Variants in FBXO8 observed in about 807,000 individuals in gnomAD.
FBXO8 encodes F-box only protein 8.
FBXO8 carries 15 observed loss-of-function variants against 33.4 expected under a neutral mutation model. The observed-to-expected ratio is 0.45, with a 90% CI of 0.30 to 0.69. The LOEUF (loss-of-function observed/expected upper bound fraction) is 0.69. Among genes scored for constraint, FBXO8 ranks in the 30% least tolerant of loss-of-function variants. The probability of loss-of-function intolerance (pLI) is 0.08; values close to 1 mark genes in which losing one functional copy is unlikely to be tolerated. For missense variants in FBXO8, 274 were observed against 380.3 expected, an observed-to-expected ratio of 0.72 and a Z score of 2.32; for synonymous variants, 132 against 131.5, an observed-to-expected ratio of 1.00 and a Z score of -0.02.
intron 1 of FBXO8, among the ~76,000 whole-genome samples, chr4:174,268,292 A>C (rs1736739492): frequency 1.3e-5 from 2 of 152,192 alleles, no homozygotes; most frequent in Admixed American, 1.3e-4. Context: ...TAATTCATTA[A>C]CTGTGAACTC....
chr4:174,248,545 A>C (rs893688060), intron 3 of FBXO8, among the ~76,000 whole-genome samples: 3 of 152,064 alleles, frequency 2.0e-5, no homozygotes, highest in African/African-American at 7.2e-5. Context: ...TTCCAGAGCA[A>C]GAACAGAGAG....
chr4:174,242,319 C>A (rs188697282), intron 3 of FBXO8, among the ~76,000 whole-genome samples: 10 of 151,546 alleles, frequency 6.6e-5, no homozygotes, highest in African/African-American at 2.4e-4. Flanking sequence ...CTATAAAAAC[C>A]TTTTCAAGAT....
chr4:174,252,520 G>C lies in FBXO8; in HGVS notation c.456+7179C>G, dbSNP rs1239596589. On this transcript the variant is annotated intron_variant, in intron 3 of 5. Coordinates refer to ENST00000393674, the MANE Select transcript of FBXO8 (RefSeq NM_012180.3). The surrounding 1 kb of genome is among the most constrained non-coding windows in gnomAD (Gnocchi z 5.1). Reference sequence around the variant, plus strand: ...TCACAGACCCAATTCTTTCTTTCCAGTCTGCTATTCTTGGTAGGGTTACTA... The same window carrying C: ...TCACAGACCCAATTCTTTCTTTCCACTCTGCTATTCTTGGTAGGGTTACTA... Among the ~76,000 whole-genome samples, 1 of 152,024 alleles carries C rather than the reference G, an allele frequency of 6.6e-6. No individual in the cohort carries two copies. The highest frequency in any genetic ancestry group is 1.5e-5 in the Non-Finnish European group (1 of 68,014).
At chr4:174,279,796 T>C (rs1579041551) in intron 1 of FBXO8, among the ~76,000 whole-genome samples, 1 of 152,024 alleles carries the variant, frequency 6.6e-6, no homozygotes, top group East Asian at 1.9e-4. Context: ...ATATCCACAT[T>C]CAAAAGAATG....
In FBXO8 at chr4:174,275,014, TA is replaced by T. The variant is rs1214012830; in HGVS notation, c.-9+8395del. 6.6e-6 allele frequency among the ~76,000 whole-genome samples: 1 copy of T among 152,198 alleles called. No homozygotes were observed. Among genetic ancestry groups the T allele is most frequent in the Non-Finnish European group, 1.5e-5 (1 of 68,034 alleles). On this transcript the variant is annotated intron_variant, in intron 1 of 5. Coordinates refer to ENST00000393674, the MANE Select transcript of FBXO8 (RefSeq NM_012180.3). This position sits in a 1 kb window ranked among gnomAD's most constrained non-coding sequence, Gnocchi z 4.4. Reference sequence around the variant, plus strand: ...ATATTTGGAAGATGAAAGGAAAGCCTACAGATTGAGAGAAAATATTTGTAAA... The same window carrying T: ...ATATTTGGAAGATGAAAGGAAAGCCTCAGATTGAGAGAAAATATTTGTAAA...
In FBXO8 at chr4:174,243,215, A is replaced by C. The variant is rs1180877348; in HGVS notation, c.457-1997T>G. On this transcript the variant is annotated intron_variant, in intron 3 of 5. Coordinates refer to ENST00000393674, the MANE Select transcript of FBXO8 (RefSeq NM_012180.3). Reference sequence around the variant, plus strand: ...AGAATTTTATATCTAATCTAACCTCAGTTCTCCCAAATCAATCAAATACAT... The same window carrying C: ...AGAATTTTATATCTAATCTAACCTCCGTTCTCCCAAATCAATCAAATACAT... Among the ~76,000 whole-genome samples the C allele has an allele frequency of 2.0e-5, 3 of 151,586 alleles. No individual in the cohort carries two copies. The East Asian group carries it at 5.8e-4, about 29-fold the overall frequency.
chr4:174,260,244 T>C (rs2126434539), intron 2 of FBXO8, among the ~76,000 whole-genome samples: 1 of 152,110 alleles, frequency 6.6e-6, no homozygotes, highest in African/African-American at 2.4e-5. Context: ...GACAAAACAG[T>C]TGCCCAAGAT....
Position 174,253,827 on chromosome 4 carries a change from G to A in FBXO8, c.456+5872C>T. ...TCCCTAATAAGTATAAGGAATATGAGGAGAAAGCTTCTTTTTCTGCCTCTC... is the reference window on the plus strand; with the variant it reads ...TCCCTAATAAGTATAAGGAATATGAAGAGAAAGCTTCTTTTTCTGCCTCTC... On this transcript the variant is annotated intron_variant, in intron 3 of 5. Coordinates refer to ENST00000393674, the MANE Select transcript of FBXO8 (RefSeq NM_012180.3). The surrounding 1 kb of genome is among the most constrained non-coding windows in gnomAD (Gnocchi z 4.5). 6.6e-6 allele frequency among the ~76,000 whole-genome samples: 1 copy of A among 152,144 alleles called. No homozygotes were observed. Among genetic ancestry groups the A allele is most frequent in the East Asian group, 1.9e-4 (1 of 5,190 alleles).
chr4:174,263,128 G>C lies in FBXO8; in HGVS notation c.-8-28C>G, dbSNP rs1052797396. On this transcript the variant is annotated intron_variant, in intron 1 of 5. Transcript: ENST00000393674. This position sits in a 1 kb window ranked among gnomAD's most constrained non-coding sequence, Gnocchi z 4.2. Reference sequence around the variant, plus strand: ...GGGAAAAAGCCAGAATGTAATAAGGGTGACATTTAAAAAGTAACCCATTTT... The same window carrying C: ...GGGAAAAAGCCAGAATGTAATAAGGCTGACATTTAAAAAGTAACCCATTTT... 2.5e-6 allele frequency: 4 copies of C among 1,582,646 alleles called. No homozygotes were observed. Among genetic ancestry groups the C allele is most frequent in the Middle Eastern group, 3.4e-4 (2 of 5,926 alleles).
At position 174,263,035 on chromosome 4, in the gene FBXO8, T is replaced by C. The variant is rs372957843; in HGVS notation, c.58A>G (p.Ser20Gly). ...RNQQLQQEGY[S>G]EQGYLTREQS... ...TCTCTGGTGAGGTAGCCTTGCTCACTGTAGCCTTCTTGTTGCAGCTGCTGG... is the reference window on the plus strand; with the variant it reads ...TCTCTGGTGAGGTAGCCTTGCTCACCGTAGCCTTCTTGTTGCAGCTGCTGG... The change falls in exon 2 of 6, where the codon AGT becomes GGT. Residue 20 changes from serine (S) to glycine (G), a missense_variant. Around this residue, in one of 2 missense-constraint regions of FBXO8, gnomAD observed 88 missense variants for 86.9 expected, o/e 1.01. Transcript: ENST00000393674. This position sits in a 1 kb window ranked among gnomAD's most constrained non-coding sequence, Gnocchi z 4.2. 6.2e-7 allele frequency: 1 copy of C among 1,613,888 alleles called. No homozygotes were observed. Among genetic ancestry groups the C allele is most frequent in the African/African-American group, 1.3e-5 (1 of 74,914 alleles).
chr4:174,276,247 G>T (rs1736957265), intron 1 of FBXO8, among the ~76,000 whole-genome samples: 1 of 152,052 alleles, frequency 6.6e-6, no homozygotes, highest in Non-Finnish European at 1.5e-5. Flanking sequence ...GAGCCAACTT[G>T]TTTTTTCTGA....
chr4:174,246,623 C>T (rs1337374449), intron 3 of FBXO8, among the ~76,000 whole-genome samples: 2 of 151,398 alleles, frequency 1.3e-5, no homozygotes, highest in African/African-American at 4.9e-5. Flanking sequence ...ATGACCTACT[C>T]ATGTTAGAAG....
chr4:174,260,602 G>C (rs942729141), intron 2 of FBXO8, among the ~76,000 whole-genome samples: 2 of 151,844 alleles, frequency 1.3e-5, no homozygotes. Context: ...CTATAAAACC[G>C]AAAATACTAA....
At chr4:174,280,589 T>C (rs1162708170) in intron 1 of FBXO8, among the ~76,000 whole-genome samples, 1 of 152,160 alleles carries the variant, frequency 6.6e-6, no homozygotes, top group African/African-American at 2.4e-5. Context: ...GCAACCCAGG[T>C]GTCCAATAAC....
intron 1 of FBXO8, among the ~76,000 whole-genome samples, chr4:174,269,864 C>T (rs980087806): frequency 1.3e-5 from 2 of 152,064 alleles, no homozygotes; most frequent in African/African-American, 4.8e-5. Flanking sequence ...CGAATATGAT[C>T]CCAGAATTTC....
Position 174,262,595 on chromosome 4 carries a change from A to G in FBXO8, c.329+169T>C, listed in dbSNP as rs1215750689. Among the ~76,000 whole-genome samples the G allele has an allele frequency of 6.6e-6, 1 of 152,220 alleles. No individual in the cohort carries two copies. Among genetic ancestry groups the G allele is most frequent in the Non-Finnish European group, 1.5e-5 (1 of 68,048 alleles). Reference sequence around the variant, plus strand: ...TATTGTCCTCCTTTTCACAAGATCAAATTTGACTGTGATGCTAACTGTATA... The same window carrying G: ...TATTGTCCTCCTTTTCACAAGATCAGATTTGACTGTGATGCTAACTGTATA... On this transcript the variant is annotated intron_variant, in intron 2 of 5. Transcript: ENST00000393674. The surrounding 1 kb of genome is among the most constrained non-coding windows in gnomAD (Gnocchi z 4.6).
chr4:174,264,054 T>G (rs954416801), intron 1 of FBXO8, among the ~76,000 whole-genome samples: 26 of 152,210 alleles, frequency 1.7e-4, no homozygotes, highest in African/African-American at 6.3e-4. Flanking sequence ...TCATGATCTC[T>G]TTTTCAAACA....
Position 174,241,233 on chromosome 4 carries a change from C to A in FBXO8, c.457-15G>T. 6.8e-7 allele frequency: 1 copy of A among 1,463,494 alleles called. No individual in the cohort carries two copies. Among genetic ancestry groups the A allele is most frequent in the Non-Finnish European group, 9.5e-7 (1 of 1,055,820 alleles). The allele number at this position is 1,463,494 out of a possible 1,614,324, so 90.7% of individuals were successfully genotyped here. A position where few individuals can be genotyped will look rare whatever the true frequency, so the allele number is the denominator to read the frequency against. On this transcript the variant is annotated splice_polypyrimidine_tract_variant and intron_variant, in intron 3 of 5. Coordinates refer to ENST00000393674, the MANE Select transcript of FBXO8 (RefSeq NM_012180.3). The surrounding 1 kb of genome is among the most constrained non-coding windows in gnomAD (Gnocchi z 4.2). ...TAGTTCACTCCCTAAGGCAGAAAGA[C>A]AAGTCTACATAAATAAAATTGCTCT...
chr4:174,264,663 T>C (rs1000287233), intron 1 of FBXO8, among the ~76,000 whole-genome samples: 2 of 151,966 alleles, frequency 1.3e-5, no homozygotes, highest in African/African-American at 4.8e-5. Context: ...AAGAAACATA[T>C]TAATAATTTT....
Sources: allele counts gnomAD v4.1 joint callset (sites outside exome capture counted in the v4.1 genomes callset), GRCh38; gene constraint gnomAD v4.1.1; regional missense constraint gnomAD v4.1.1; non-coding constraint Gnocchi (gnomAD v3.1); transcripts MANE v1.5; gene names NCBI Gene and HGNC (gene_info 2026-07-23, HGNC 2026-07-21).